MTHFD2L: variants seen among roughly 807,000 people sequenced by gnomAD.
The protein encoded by MTHFD2L is bifunctional methylenetetrahydrofolate dehydrogenase/cyclohydrolase 2, mitochondrial.
In MTHFD2L, 29 loss-of-function variants were observed where a neutral mutation model predicts 34.9. The observed-to-expected ratio is 0.83, with a 90% CI of 0.62 to 1.13. The LOEUF (loss-of-function observed/expected upper bound fraction) is 1.13. MTHFD2L is among the 50% of genes most tolerant of loss of function. The pLI, the probability that MTHFD2L is intolerant of heterozygous loss-of-function variation, is 0.00. For missense variants in MTHFD2L, 481 were observed against 446.5 expected, an observed-to-expected ratio of 1.08 and a Z score of -0.70; for synonymous variants, 167 against 155.7, an observed-to-expected ratio of 1.07 and a Z score of -0.54.
At chr4:74,204,023 A>G (rs922431790) in intron 5 of MTHFD2L, among the ~76,000 whole-genome samples, 7 of 152,030 alleles carry the variant, frequency 4.6e-5, no homozygotes, top group Non-Finnish European at 1.0e-4. Context: ...ATCCTAGCAT[A>G]TATTAATGTT....
At chr4:74,185,364 C>T (rs183052745) in intron 3 of MTHFD2L, among the ~76,000 whole-genome samples, 1 of 151,640 alleles carries the variant, frequency 6.6e-6, no homozygotes, top group African/African-American at 2.4e-5. Context: ...AAACACATAT[C>T]TTAGAAAAGA....
Position 74,284,870 on chromosome 4 carries a change from G to A in MTHFD2L, c.931+3320G>A, listed in dbSNP as rs1218842912. On this transcript the variant is annotated intron_variant, in intron 7 of 7. Transcript: ENST00000325278. ...TACCCAAAGGACTATAAATCATGCT[G>A]CTATAAAGACACATGCACACGTATG... 2.0e-5 allele frequency among the ~76,000 whole-genome samples: 3 copies of A among 152,162 alleles called. No homozygotes were observed. In the East Asian group the frequency reaches 5.8e-4, roughly 29 times the overall value.
intron 3 of MTHFD2L, among the ~76,000 whole-genome samples, chr4:74,191,431 A>T (rs1732491996): frequency 6.6e-6 from 1 of 152,006 alleles, no homozygotes; most frequent in African/African-American, 2.4e-5. Context: ...CTTTCACCTT[A>T]AATTTATGTT....
intron 1 of MTHFD2L, among the ~76,000 whole-genome samples, chr4:74,132,552 C>T (rs1433336436): frequency 6.6e-6 from 1 of 152,040 alleles, no homozygotes; most frequent in Non-Finnish European, 1.5e-5. Context: ...AACACATGGA[C>T]ACAGGGAGGG....
At chr4:74,254,757 A>G (rs2110207567) in intron 6 of MTHFD2L, among the ~76,000 whole-genome samples, 1 of 152,304 alleles carries the variant, frequency 6.6e-6, no homozygotes, top group African/African-American at 2.4e-5. Context: ...TAATACTCTA[A>G]CAGTGGTGTG....
At chr4:74,218,239 A>G (rs1737531796) in intron 5 of MTHFD2L, among the ~76,000 whole-genome samples, 1 of 152,104 alleles carries the variant, frequency 6.6e-6, no homozygotes, top group Admixed American at 6.6e-5. Context: ...TATAAGTAAA[A>G]CAGAAGAATC....
chr4:74,117,265 C>T (rs960321793), intron 2 of MTHFD2L, among the ~76,000 whole-genome samples: 1 of 152,308 alleles, frequency 6.6e-6, no homozygotes, highest in South Asian at 2.1e-4. Context: ...AATCTTTTGG[C>T]TGCTGACCCA....
intron 3 of MTHFD2L, among the ~76,000 whole-genome samples, chr4:74,186,758 C>G (rs1216334133): frequency 6.6e-6 from 1 of 151,998 alleles, no homozygotes; most frequent in Non-Finnish European, 1.5e-5. Context: ...CAATTTTCCT[C>G]CAACTGATTT....
chr4:74,268,906 A>AT (rs1745625089), intron 6 of MTHFD2L, among the ~76,000 whole-genome samples: 1 of 151,884 alleles, frequency 6.6e-6, no homozygotes, highest in South Asian at 2.1e-4. Context: ...TATTGCTATC[A>AT]TTTTTTTCTA....
intron 5 of MTHFD2L, among the ~76,000 whole-genome samples, chr4:74,211,526 G>A (rs1233863981): frequency 5.9e-5 from 9 of 152,158 alleles, no homozygotes; most frequent in African/African-American, 1.9e-4. Flanking sequence ...GCATCCCAGG[G>A]AGGAAGCCAA....
intron 5 of MTHFD2L, among the ~76,000 whole-genome samples, chr4:74,220,034 C>A (rs1302466957): frequency 6.6e-6 from 1 of 150,850 alleles, no homozygotes; most frequent in African/African-American, 2.4e-5. Context: ...CTGTCAAATT[C>A]TTGATGAAAT....
intron 6 of MTHFD2L, among the ~76,000 whole-genome samples, chr4:74,270,694 G>A (rs980043348): frequency 2.6e-5 from 4 of 151,926 alleles, no homozygotes; most frequent in Non-Finnish European, 4.4e-5. Context: ...CCAGTAATGG[G>A]ACGGCTGAGT....
intron 6 of MTHFD2L, among the ~76,000 whole-genome samples, chr4:74,250,078 C>T (rs151284326): frequency 2.6e-5 from 4 of 152,196 alleles, no homozygotes; most frequent in African/African-American, 9.6e-5. Flanking sequence ...GAGTGTTTTC[C>T]AACTTGGTTC....
intron 5 of MTHFD2L, among the ~76,000 whole-genome samples, chr4:74,213,535 T>C (rs1410336822): frequency 1.3e-5 from 2 of 152,244 alleles, no homozygotes; most frequent in Non-Finnish European, 2.9e-5. Context: ...CCCTACTCTC[T>C]TCTGGCCTGT....
At position 74,299,884 on chromosome 4, in the gene MTHFD2L, T is replaced by C. The variant is rs1750079909; in HGVS notation, c.932-1813T>C. On this transcript the variant is annotated intron_variant, in intron 7 of 7. Coordinates refer to ENST00000325278, the MANE Select transcript of MTHFD2L (RefSeq NM_001144978.3). ...ATAAAATTATTGGAAATATAGATGG[T>C]GGGGCTTTCAATTCAACACTGGAGG... Among the ~76,000 whole-genome samples, 5 of 151,970 alleles carry C rather than the reference T, an allele frequency of 3.3e-5. No homozygotes were observed. The South Asian group carries it at 1.0e-3, about 32-fold the overall frequency.
intron 5 of MTHFD2L, among the ~76,000 whole-genome samples, chr4:74,217,715 G>A (rs1276084506): frequency 6.6e-6 from 1 of 151,554 alleles, no homozygotes; most frequent in Non-Finnish European, 1.5e-5. Context: ...GACTTATTTT[G>A]TGTTTCTGTT....
In MTHFD2L at chr4:74,185,151, C is replaced by CAAAAAAA. The variant is rs1169021073; in HGVS notation, c.451+9770_451+9776dup. On this transcript the variant is annotated intron_variant, in intron 3 of 7. Coordinates refer to ENST00000325278, the MANE Select transcript of MTHFD2L (RefSeq NM_001144978.3). ...TGGGCGACAGAGCGAGACTCCATCTCAAAAAAAAAAAAAAAAAAAAAAAAA... is the reference window on the plus strand; with the variant it reads ...TGGGCGACAGAGCGAGACTCCATCTCAAAAAAAAAAAAAAAAAAAAAAAAAAAAAAAA... Among the ~76,000 whole-genome samples, 115 of 15,966 alleles carry CAAAAAAA rather than the reference C, an allele frequency of 7.2e-3. 12 individuals carry two copies. Among genetic ancestry groups the CAAAAAAA allele is most frequent in the African/African-American group, 0.016 (82 of 5,000 alleles). The allele number at this position is 15,966 out of a possible 152,430, so 10.5% of individuals were successfully genotyped here. A position where few individuals can be genotyped will look rare whatever the true frequency, so the allele number is the denominator to read the frequency against.
chr4:74,302,272 G>GA lies in MTHFD2L; in HGVS notation c.*468dup, dbSNP rs1750414870. ...TTAAAAAAGAGCTTGCTTACTACAAGAAAAATATTGAAATATTGAAAATAT... is the reference window on the plus strand; with the variant it reads ...TTAAAAAAGAGCTTGCTTACTACAAGAAAAAATATTGAAATATTGAAAATAT... On this transcript the variant is annotated 3_prime_UTR_variant, in exon 8 of 8. Transcript: ENST00000325278. 6.6e-6 allele frequency: 1 copy of GA among 151,908 alleles called. No homozygotes were observed. The highest frequency in any genetic ancestry group is 2.1e-4 in the South Asian group (1 of 4,816). 9.4% of individuals were successfully genotyped at this position (151,908 alleles called of 1,614,324 possible).
intron 2 of MTHFD2L, among the ~76,000 whole-genome samples, chr4:74,116,600 C>T (rs1012323903): frequency 6.6e-6 from 1 of 152,134 alleles, no homozygotes; most frequent in African/African-American, 2.4e-5. Context: ...GATACACTTA[C>T]CTATGATTGT....
Sources: gnomAD v4.1 joint callset for allele counts (sites outside exome capture counted in the v4.1 genomes callset) on GRCh38, gnomAD v4.1.1 for gene constraint, MANE v1.5 for transcripts, NCBI Gene and HGNC (gene_info 2026-07-23, HGNC 2026-07-21) for gene names.